The following CCSER1 variants were observed in gnomAD, a reference collection of about 807,000 sequenced individuals.
CCSER1 encodes serine-rich coiled-coil domain-containing protein 1.
A neutral mutation model predicts 82.0 loss-of-function variants in CCSER1; 41 were observed. The observed-to-expected ratio is 0.50, with a 90% CI of 0.39 to 0.65. The LOEUF is 0.65. CCSER1 is among the 30% of genes least tolerant of loss of function. The probability of loss-of-function intolerance (pLI) is 0.00; values close to 1 mark genes in which losing one functional copy is unlikely to be tolerated. For synonymous variants in CCSER1, 414 were observed against 383.9 expected (o/e 1.08, Z -0.92); for missense variants, 1,119 against 1,064.2 (o/e 1.05, Z -0.72).
intron 5 of CCSER1, among the ~76,000 whole-genome samples, chr4:90,572,342 G>A (rs1310020133): frequency 1.3e-5 from 2 of 152,124 alleles, no homozygotes; most frequent in African/African-American, 4.8e-5. Context: ...TCTGCTTGGA[G>A]AACATTTAAC....
intron 1 of CCSER1, among the ~76,000 whole-genome samples, chr4:90,222,845 C>G (rs1367478646): frequency 6.6e-6 from 1 of 152,028 alleles, no homozygotes; most frequent in Non-Finnish European, 1.5e-5. Flanking sequence ...TTCTGTGAAC[C>G]CTTTGCCAAT....
At chr4:91,172,746 A>G (rs1047294333) in intron 10 of CCSER1, among the ~76,000 whole-genome samples, 14 of 152,128 alleles carry the variant, frequency 9.2e-5, no homozygotes, top group Non-Finnish European at 1.9e-4. Flanking sequence ...GTAGTGGGGG[A>G]TGAAGAAAAT....
chr4:90,769,105 A>T (rs978979054), intron 7 of CCSER1, among the ~76,000 whole-genome samples: 1 of 152,184 alleles, frequency 6.6e-6, no homozygotes, highest in Non-Finnish European at 1.5e-5. Flanking sequence ...TTAAGAGCAT[A>T]CCCTCTGTGT....
chr4:90,847,140 T>C (rs997364270), intron 8 of CCSER1, among the ~76,000 whole-genome samples: 5 of 152,238 alleles, frequency 3.3e-5, no homozygotes, highest in Admixed American at 2.0e-4. Context: ...ATTATTAATG[T>C]ATTAACCAAC....
At chr4:90,735,007 C>G (rs983134207) in intron 7 of CCSER1, among the ~76,000 whole-genome samples, 1 of 152,020 alleles carries the variant, frequency 6.6e-6, no homozygotes, top group African/African-American at 2.4e-5. Context: ...CTTCTATACT[C>G]AGTTTTTTAG....
At chr4:91,264,422 T>C (rs1344183842) in intron 10 of CCSER1, among the ~76,000 whole-genome samples, 2 of 151,912 alleles carry the variant, frequency 1.3e-5, no homozygotes, top group African/African-American at 4.8e-5. Flanking sequence ...TTTGTATTGT[T>C]GTTTCCCTAA....
At chr4:90,872,573 T>C (rs1335133641) in intron 8 of CCSER1, among the ~76,000 whole-genome samples, 2 of 152,000 alleles carry the variant, frequency 1.3e-5, no homozygotes, top group Non-Finnish European at 2.9e-5. Flanking sequence ...ATACTGCCTA[T>C]GTCTTGAATA....
At chr4:91,149,656 T>C in intron 10 of CCSER1, among the ~76,000 whole-genome samples, 1 of 152,184 alleles carries the variant, frequency 6.6e-6, no homozygotes, top group Non-Finnish European at 1.5e-5. Flanking sequence ...AATTTTTGTA[T>C]AAGGTGTAAG....
At chr4:90,781,227 T>C (rs1753733797) in intron 7 of CCSER1, 1 of 981,050 alleles carries the variant, frequency 1.0e-6, no homozygotes, top group Non-Finnish European at 1.2e-6. Flanking sequence ...ATTTCCAAAC[T>C]ATATCACTCA....
At chr4:90,736,419 T>C (rs1211023739) in intron 7 of CCSER1, among the ~76,000 whole-genome samples, 1 of 152,042 alleles carries the variant, frequency 6.6e-6, no homozygotes, top group Non-Finnish European at 1.5e-5. Flanking sequence ...TACAATATTG[T>C]ATCCTCTTGC....
intron 1 of CCSER1, among the ~76,000 whole-genome samples, chr4:90,158,892 C>A (rs182077375): frequency 6.6e-6 from 1 of 152,212 alleles, no homozygotes; most frequent in South Asian, 2.1e-4. Flanking sequence ...CACTGTCCTG[C>A]GCCCACTATC....
intron 1 of CCSER1, among the ~76,000 whole-genome samples, chr4:90,223,556 C>G (rs562637927): frequency 4.6e-5 from 7 of 152,170 alleles, no homozygotes; most frequent in African/African-American, 1.4e-4. Flanking sequence ...TAATATGGAC[C>G]AGGTTATCTC....
chr4:90,276,251 T>TTTCTTTCTTTCTTTCC (rs1727659770), intron 1 of CCSER1, among the ~76,000 whole-genome samples: 7 of 76,826 alleles, frequency 9.1e-5, no homozygotes, highest in South Asian at 4.6e-4. Context: ...TCTTTCTTTC[T>TTTCTTTCTTTCTTTCC]TTCCTTCCTT....
In CCSER1 at chr4:90,308,639, T is replaced by C. The variant is rs1310930609; in HGVS notation, c.355T>C (p.Phe119Leu). 2 of 1,613,764 alleles carry C rather than the reference T, an allele frequency of 1.2e-6. No homozygotes were observed. The highest frequency in any genetic ancestry group is 2.2e-5 in the South Asian group (2 of 91,070). Residue 119 changes from phenylalanine (F) to leucine (L), a missense_variant, in exon 2 of 11, where the codon TTT becomes CTT. Phe to Leu is a conservative substitution (Grantham distance 22, BLOSUM62 0). Coordinates refer to ENST00000509176, the MANE Select transcript of CCSER1 (RefSeq NM_001145065.2). ...IKTRGRHSVG[F>L]SSSRNKKITR... ...GACCAGGGGAAGACATTCTGTTGGT[T>C]TTAGTAGTTCACGAAATAAGAAGAT... is the stretch of plus-strand genomic sequence containing the variant.
intron 10 of CCSER1, among the ~76,000 whole-genome samples, chr4:91,244,486 GTCTC>G (rs1454388899): frequency 2.0e-5 from 3 of 152,188 alleles, no homozygotes; most frequent in African/African-American, 7.2e-5. Context: ...GAGAGAGAAA[GTCTC>G]TGCTTATTTG....
intron 10 of CCSER1, among the ~76,000 whole-genome samples, chr4:91,088,546 T>G (rs918084007): frequency 6.6e-6 from 1 of 152,184 alleles, no homozygotes; most frequent in South Asian, 2.1e-4. Context: ...GAAATAGAGA[T>G]AGGTAACACC....
At chr4:90,409,955 A>G (rs982742301) in intron 4 of CCSER1, among the ~76,000 whole-genome samples, 1 of 152,188 alleles carries the variant, frequency 6.6e-6, no homozygotes, top group African/African-American at 2.4e-5. Context: ...GCAAATGGAA[A>G]ACAAAAAAAG....
At chr4:90,239,189 T>A (rs1746376109) in intron 1 of CCSER1, among the ~76,000 whole-genome samples, 1 of 152,164 alleles carries the variant, frequency 6.6e-6, no homozygotes, top group South Asian at 2.1e-4. Context: ...TTTTGAGTAG[T>A]TGTTTAACAT....
intron 10 of CCSER1, among the ~76,000 whole-genome samples, chr4:91,502,847 A>C (rs1367755758): frequency 6.6e-6 from 1 of 152,228 alleles, no homozygotes; most frequent in Non-Finnish European, 1.5e-5. Flanking sequence ...TTGAGAAATG[A>C]ATGAGATGAC....
Sources: allele counts gnomAD v4.1 joint callset (sites outside exome capture counted in the v4.1 genomes callset), GRCh38; gene constraint gnomAD v4.1.1; transcripts MANE v1.5; gene names NCBI Gene and HGNC (gene_info 2026-07-23, HGNC 2026-07-21).